The following FGF14 variants were observed in gnomAD, a reference collection of about 807,000 sequenced individuals.
The protein encoded by FGF14 is fibroblast growth factor 14.
In FGF14, 5 loss-of-function variants were observed where a neutral mutation model predicts 25.5. That is an observed-to-expected ratio of 0.20 (90% CI 0.10 to 0.41). The LOEUF is 0.41. FGF14 is among the 10% of genes least tolerant of loss of function. FGF14 has a pLI of 1.00. For synonymous variants in FGF14, 138 were observed against 118.3 expected (o/e 1.17, Z -1.08); for missense variants, 222 against 320.1 (o/e 0.69, Z 2.34).
At chr13:102,327,893 C>CA (rs150526573) in intron 1 of FGF14, among the ~76,000 whole-genome samples, 5,012 of 125,642 alleles carry the variant, frequency 0.04, 322 homozygotes, top group African/African-American at 0.13. Context: ...GACTCATTTC[C>CA]AAAAAAAAAT....
intron 1 of FGF14, among the ~76,000 whole-genome samples, chr13:101,890,861 G>T (rs553223128): frequency 1.7e-4 from 26 of 152,140 alleles, no homozygotes; most frequent in South Asian, 4.1e-4. Flanking sequence ...TAGGGGCAAA[G>T]GTGGAGCCAG....
chr13:102,081,784 C>T (rs1285512886), intron 1 of FGF14, among the ~76,000 whole-genome samples: 25 of 151,954 alleles, frequency 1.6e-4, no homozygotes, highest in Admixed American at 6.6e-4. Flanking sequence ...TGGTAAAATG[C>T]GCCAAAACTT....
chr13:102,292,221 G>A (rs1278962761), intron 1 of FGF14: 1 of 134,502 alleles, frequency 7.4e-6, no homozygotes, highest in Non-Finnish European at 1.5e-5. Context: ...AAAACTGACA[G>A]AGTTGAGAGG....
chr13:102,263,016 TG>T (rs1450821265), intron 1 of FGF14: 1 of 608,064 alleles, frequency 1.6e-6, no homozygotes, highest in Non-Finnish European at 3.0e-6. Context: ...AGCATAAATA[TG>T]TGTGCCATCT....
intron 1 of FGF14, among the ~76,000 whole-genome samples, chr13:102,131,713 G>A (rs955320148): frequency 1.3e-5 from 2 of 152,056 alleles, no homozygotes; most frequent in Non-Finnish European, 2.9e-5. Context: ...ATTTGTTTAT[G>A]TTTTCTTTTT....
At position 102,100,239 on chromosome 13, in the gene FGF14, T is replaced by C. The variant is rs565196943; in HGVS notation, c.209-224943A>G. 2.3e-4 allele frequency among the ~76,000 whole-genome samples: 35 copies of C among 151,790 alleles called. 1 individual carries two copies. The East Asian group carries it at 6.6e-3, about 29-fold the overall frequency. ...ATATATTCCAAGAGTCAAAGAAAAATTATATATGCAAACCAAAAAAGCTGC... is the reference window on the plus strand; with the variant it reads ...ATATATTCCAAGAGTCAAAGAAAAACTATATATGCAAACCAAAAAAGCTGC... On this transcript the variant is annotated intron_variant, in intron 1 of 4. Transcript: ENST00000376131.
chr13:101,947,374 C>T (rs183067489), intron 1 of FGF14, among the ~76,000 whole-genome samples: 302 of 152,284 alleles, frequency 2.0e-3, no homozygotes, highest in Admixed American at 3.5e-3. Flanking sequence ...GAAAAAGACA[C>T]ATGCATTTGT....
chr13:102,094,285 G>A (rs1306010337), intron 1 of FGF14, among the ~76,000 whole-genome samples: 1 of 152,190 alleles, frequency 6.6e-6, no homozygotes, highest in African/African-American at 2.4e-5. Flanking sequence ...AATAAAGGAA[G>A]GTGAAGGATC....
chr13:102,237,114 T>C (rs927060937), intron 1 of FGF14, among the ~76,000 whole-genome samples: 7 of 152,196 alleles, frequency 4.6e-5, no homozygotes, highest in African/African-American at 1.7e-4. Flanking sequence ...CCATCTTCTC[T>C]GTTGTTTGCT....
chr13:102,221,623 AACACACACACAC>A (rs34205303), intron 1 of FGF14, among the ~76,000 whole-genome samples: 2 of 150,110 alleles, frequency 1.3e-5, no homozygotes, highest in Admixed American at 6.7e-5. Flanking sequence ...CAAACACACA[AACACACACACAC>A]ACACACACAC....
At chr13:102,287,260 C>T (rs1372437701) in intron 1 of FGF14, among the ~76,000 whole-genome samples, 1 of 152,194 alleles carries the variant, frequency 6.6e-6, no homozygotes, top group Middle Eastern at 3.2e-3. Flanking sequence ...TGTAAATGTG[C>T]ATGTACACAG....
At chr13:102,188,506 C>T (rs2048962032) in intron 1 of FGF14, among the ~76,000 whole-genome samples, 12 of 152,202 alleles carry the variant, frequency 7.9e-5, no homozygotes, top group Admixed American at 7.9e-4. Context: ...GTACCTAACA[C>T]ATTCTTTCTT....
At chr13:102,378,926 A>G (rs2058111052) in intron 1 of FGF14, among the ~76,000 whole-genome samples, 1 of 152,122 alleles carries the variant, frequency 6.6e-6, no homozygotes, top group Admixed American at 6.6e-5. Context: ...TGGCCCATCG[A>G]TATCAACAGG....
chr13:102,177,226 T>C (rs1240796902), intron 1 of FGF14, among the ~76,000 whole-genome samples: 1 of 152,170 alleles, frequency 6.6e-6, no homozygotes, highest in African/African-American at 2.4e-5. Context: ...ATGAATTTTC[T>C]AGAAAACTGA....
chr13:101,830,749 T>C (rs189097510), intron 3 of FGF14, among the ~76,000 whole-genome samples: 2 of 152,230 alleles, frequency 1.3e-5, no homozygotes, highest in Admixed American at 6.5e-5. Context: ...GTTTTGCAGA[T>C]GAGAAGTCTA....
chr13:101,837,636 C>T lies in FGF14; in HGVS notation c.408+31089G>A, dbSNP rs767948144. On this transcript the variant is annotated intron_variant, in intron 3 of 4. Transcript: ENST00000376143. ...AGACAACTTTATAAACTCTGAGGTC[C>T]CTCAACCTATATACCTGGGGCCATG... Among the ~76,000 whole-genome samples the T allele has an allele frequency of 1.3e-4, 20 of 151,960 alleles. No individual in the cohort carries two copies. In the South Asian group the frequency reaches 1.5e-3, roughly 11 times the overall value.
chr13:102,140,606 C>A (rs1476708919), intron 1 of FGF14, among the ~76,000 whole-genome samples: 1 of 151,866 alleles, frequency 6.6e-6, no homozygotes, highest in Non-Finnish European at 1.5e-5. Context: ...ATAGGAAAAT[C>A]CAAGGTATTT....
At chr13:102,391,996 A>G (rs2058443615) in intron 1 of FGF14, among the ~76,000 whole-genome samples, 1 of 152,254 alleles carries the variant, frequency 6.6e-6, no homozygotes, top group Non-Finnish European at 1.5e-5. Flanking sequence ...AAGCCTTCTT[A>G]TGTTCATATT....
chr13:101,945,575 T>C (rs978869785), intron 1 of FGF14, among the ~76,000 whole-genome samples: 1 of 152,106 alleles, frequency 6.6e-6, no homozygotes, highest in African/African-American at 2.4e-5. Context: ...CTCGGCCTGA[T>C]AAAGCAACTC....
Sources: allele counts gnomAD v4.1 joint callset (sites outside exome capture counted in the v4.1 genomes callset), GRCh38; gene constraint gnomAD v4.1.1; transcripts MANE v1.5; gene names NCBI Gene and HGNC (gene_info 2026-07-23, HGNC 2026-07-21).